The following PDHB variants were observed in gnomAD, a reference collection of about 807,000 sequenced individuals.
PDHB encodes pyruvate dehydrogenase E1 component subunit beta, mitochondrial.
A neutral mutation model predicts 42.8 loss-of-function variants in PDHB; 17 were observed. The ratio of observed to expected loss-of-function variants is 0.40; its 90% CI spans 0.27 to 0.60. The LOEUF (loss-of-function observed/expected upper bound fraction) is 0.60, where lower values mean the gene tolerates loss of function less well. Among genes scored for constraint, PDHB ranks in the 20% least tolerant of loss-of-function variants. The pLI is 0.46. For synonymous variants in PDHB, 154 were observed against 148.7 expected, an observed-to-expected ratio of 1.04 and a Z score of -0.26; for missense variants, 322 against 451.3, an observed-to-expected ratio of 0.71 and a Z score of 2.60.
rs2062914031 is a variant in PDHB, at chr3:58,430,893, T to C, written c.353A>G (p.Gln118Arg). ...CEFMTFNFSM[Q>R]AIDQVINSAA... is the part of the protein sequence containing the mutation. ...TGAGTTTATAACCTGGTCAATGGCT[T>C]GCATGGAGAAATTGAAGGTCATAAA... is the stretch of plus-strand genomic sequence containing the variant. The change falls in exon 6 of 10, where the codon CAA becomes CGA. Residue 118 changes from glutamine (Q) to arginine (R), a missense_variant. Coordinates refer to ENST00000302746, the MANE Select transcript of PDHB (RefSeq NM_000925.4). 6.2e-7 allele frequency: 1 copy of C among 1,614,058 alleles called. No individual in the cohort carries two copies. The highest frequency in any genetic ancestry group is 8.5e-7 in the Non-Finnish European group (1 of 1,180,008).
At chr3:58,433,221 T>C (rs892111222) in intron 2 of PDHB, 1 of 272,064 alleles carries the variant, frequency 3.7e-6, no homozygotes, top group Non-Finnish European at 7.1e-6. Flanking sequence ...AGTTACCGAG[T>C]AATGGACAGT....
At chr3:58,432,061 T>A in intron 2 of PDHB, 77 bp from the exon 3 acceptor site, 1 of 951,830 alleles carries the variant, frequency 1.1e-6, no homozygotes, top group Non-Finnish European at 1.7e-6. Context: ...TATATTTACC[T>A]AGGCTGCCCA....
In PDHB at chr3:58,431,426, T is replaced by A. The variant is rs2062919231; in HGVS notation, c.303+167A>T. The A allele has an allele frequency of 3.0e-6, 2 of 666,892 alleles. No homozygotes were observed. The highest frequency in any genetic ancestry group is 5.3e-6 in the Non-Finnish European group (2 of 374,574). 41.3% of individuals were successfully genotyped at this position (666,892 alleles called of 1,614,324 possible). On this transcript the variant is annotated intron_variant, in intron 5 of 9. Transcript: ENST00000302746. This position sits in a 1 kb window ranked among gnomAD's most constrained non-coding sequence, Gnocchi z 4.4. The stretch of plus-strand genomic sequence containing the variant: ...TGGCTAGGCACAGTGGCGCGACCTG[T>A]AACCCCAGCCACTATGGAGGCTGAG...
At chr3:58,433,464 T>C (rs755044004) in intron 2 of PDHB, 167 bp downstream of exon 2, 13 of 721,428 alleles carry the variant, frequency 1.8e-5, no homozygotes, top group Non-Finnish European at 2.6e-5. Context: ...GGTGTGCTAA[T>C]TGCCAGGCGG....
chr3:58,433,797 A>T lies in PDHB; in HGVS notation c.13T>A (p.Ser5Thr), dbSNP rs200470565. The T allele has an allele frequency of 4.3e-6, 7 of 1,611,596 alleles. No individual in the cohort carries two copies. The East Asian group carries it at 1.6e-4, about 36-fold the overall frequency. MAAVSGLVRRPLREV... is the reference protein window; with the variant it reads MAAVTGLVRRPLREV... ...CGAAGGGGTCTCCGCACCAAGCCAG[A>T]CACCGCCGCCATCTTGGTCGTGTCC... The change falls in exon 1 of 10, where the codon TCT becomes ACT. Residue 5 changes from serine to threonine, a missense_variant. This residue lies in a region of PDHB where 58 missense variants were observed against 42.1 expected (regional missense o/e 1.38). Transcript: ENST00000302746.
At position 58,429,782 on chromosome 3, in the gene PDHB, CCA is replaced by C. The variant is rs772084220; in HGVS notation, c.716_717del (p.Val239GlyfsTer19). ...KIERQGTHIT[V>X]VSHSRPVGHC... The stretch of plus-strand genomic sequence containing the variant: ...TGGCCCACAGGTCTTGAATGGGAAA[CCA>C]CAGTTATATGTGTTCCTGAAAACAG... On this transcript the variant is annotated frameshift_variant, in exon 8 of 10. Coordinates refer to ENST00000302746, the MANE Select transcript of PDHB (RefSeq NM_000925.4). LOFTEE classifies it high-confidence loss of function. 10 of 1,608,006 alleles carry C rather than the reference CCA, an allele frequency of 6.2e-6. No homozygotes were observed. The highest frequency in any genetic ancestry group is 2.2e-5 in the East Asian group (1 of 44,858).
chr3:58,428,460 T>G lies in PDHB; in HGVS notation c.934+13A>C. The G allele has an allele frequency of 6.2e-7, 1 of 1,613,880 alleles. No individual in the cohort carries two copies. Among genetic ancestry groups the G allele is most frequent in the Non-Finnish European group, 8.5e-7 (1 of 1,179,710 alleles). On this transcript the variant is annotated intron_variant, in intron 9 of 9. Transcript: ENST00000302746. ...AGCTTGACTGTATTCTAGAACCAGT[T>G]TCTTTGAAATACCTTCCATGATCCT...
In PDHB at chr3:58,431,196, A is replaced by T; in HGVS notation, c.304-254T>A. On this transcript the variant is annotated intron_variant, in intron 5 of 9. Coordinates refer to ENST00000302746, the MANE Select transcript of PDHB (RefSeq NM_000925.4). The surrounding 1 kb of genome is among the most constrained non-coding windows in gnomAD (Gnocchi z 4.4). ...GCTGGGACTGCAGGCAAGCACCACC[A>T]CATCTACCTACTTGGTATTTTTTTT... 1.8e-6 allele frequency: 1 copy of T among 546,320 alleles called. No homozygotes were observed. The highest frequency in any genetic ancestry group is 3.3e-6 in the Non-Finnish European group (1 of 307,444). The allele number at this position is 546,320 out of a possible 1,614,324, so 33.8% of individuals were successfully genotyped here. A position where few individuals can be genotyped will look rare whatever the true frequency, so the allele number is the denominator to read the frequency against.
chr3:58,433,363 C>G, intron 2 of PDHB: 1 of 593,140 alleles, frequency 1.7e-6, no homozygotes, highest in Admixed American at 3.0e-5. Flanking sequence ...TATTTTGCTG[C>G]AATTTAAAGA....
chr3:58,433,471 G>A lies in PDHB; in HGVS notation c.96+160C>T, dbSNP rs1009790924. The A allele has an allele frequency of 1.9e-5, 14 of 752,832 alleles. No individual in the cohort carries two copies. The Admixed American group carries it at 2.5e-4, about 13-fold the overall frequency. 46.6% of individuals were successfully genotyped at this position (752,832 alleles called of 1,614,324 possible). On this transcript the variant is annotated intron_variant, in intron 2 of 9. Transcript: ENST00000302746. ...GACTCGCCGGTGTGCTAATTGCCAG[G>A]CGGCGACAGAGGCAGCAGGAGCTCC... is the stretch of plus-strand genomic sequence containing the variant.
chr3:58,432,208 C>T, intron 2 of PDHB: 2 of 551,718 alleles, frequency 3.6e-6, no homozygotes, highest in South Asian at 4.1e-5. Flanking sequence ...CAAGTACTGC[C>T]AAATACTTTG....
At position 58,427,830 on chromosome 3, in the gene PDHB, G is replaced by C. The variant is rs146644840; in HGVS notation, c.*204C>G. 486 of 646,344 alleles carry C rather than the reference G, an allele frequency of 7.5e-4. 1 individual carries two copies. The highest frequency in any genetic ancestry group is 7.5e-3 in the African/African-American group (421 of 56,256). 40.0% of individuals were successfully genotyped at this position (646,344 alleles called of 1,614,324 possible). ...TTCAAAGAACATGGCAACCGTAACAGACAAAAGGAAGCATGGCATCTAGGG... is the reference window on the plus strand; with the variant it reads ...TTCAAAGAACATGGCAACCGTAACACACAAAAGGAAGCATGGCATCTAGGG... On this transcript the variant is annotated 3_prime_UTR_variant, in exon 10 of 10. Transcript: ENST00000302746.
rs748490971 is a variant in PDHB, at chr3:58,428,020, T to TG, written c.*13_*14insC. On this transcript the variant is annotated 3_prime_UTR_variant, in exon 10 of 10. Transcript: ENST00000302746. The stretch of plus-strand genomic sequence containing the variant: ...TTTCAAATAAATTTCAACGACTTGA[T>TG]ATTCAAGTCCAAACTAAATATTTAA... The TG allele has an allele frequency of 6.4e-7, 1 of 1,570,556 alleles. No individual in the cohort carries two copies. Among genetic ancestry groups the TG allele is most frequent in the Admixed American group, 1.7e-5 (1 of 59,888 alleles).
At chr3:58,429,178 T>C (rs1314813924) in intron 8 of PDHB, among the ~76,000 whole-genome samples, 1 of 152,248 alleles carries the variant, frequency 6.6e-6, no homozygotes, top group Non-Finnish European at 1.5e-5. Flanking sequence ...GCCCATCATG[T>C]ACCAAGCACT....
At position 58,431,662 on chromosome 3, in the gene PDHB, C is replaced by T; in HGVS notation, c.268-34G>A. 6.2e-7 allele frequency: 1 copy of T among 1,607,174 alleles called. No homozygotes were observed. Among genetic ancestry groups the T allele is most frequent in the Non-Finnish European group, 8.5e-7 (1 of 1,173,856 alleles). ...TAAAATATAAACATAAGTGAAAATC[C>T]ATAAAAATGAGGATAATGGACACTA... On this transcript the variant is annotated intron_variant, in intron 4 of 9. Transcript: ENST00000302746. This position sits in a 1 kb window ranked among gnomAD's most constrained non-coding sequence, Gnocchi z 4.4.
At position 58,433,617 on chromosome 3, in the gene PDHB, C is replaced by A. The variant is rs774007894; in HGVS notation, c.96+14G>T. On this transcript the variant is annotated intron_variant, in intron 2 of 9. Coordinates refer to ENST00000302746, the MANE Select transcript of PDHB (RefSeq NM_000925.4). ...CCTCCCCGCCCTCGTCCGACGAGCA[C>A]CCGCGCCTGTTACCTGCAGCGCAGC... 3.0e-5 allele frequency: 49 copies of A among 1,607,354 alleles called. No individual in the cohort carries two copies. Among genetic ancestry groups the A allele is most frequent in the Non-Finnish European group, 4.1e-5 (48 of 1,178,008 alleles).
At chr3:58,429,674 C>A (rs2070663) in intron 8 of PDHB, 34 bp downstream of exon 8, 2 of 1,296,758 alleles carry the variant, frequency 1.5e-6, no homozygotes, top group Non-Finnish European at 2.2e-6. Flanking sequence ...AGGAGCCCTT[C>A]TAATTCTTTA....
In PDHB at chr3:58,433,815, T is replaced by C. The variant is rs1390738415; in HGVS notation, c.-6A>G. On this transcript the variant is annotated 5_prime_UTR_variant, in exon 1 of 10. Transcript: ENST00000302746. The stretch of plus-strand genomic sequence containing the variant: ...AAGCCAGACACCGCCGCCATCTTGG[T>C]CGTGTCCTCTATCCGCTGCCAAACG... 1.2e-6 allele frequency: 2 copies of C among 1,610,168 alleles called. No individual in the cohort carries two copies. The highest frequency in any genetic ancestry group is 1.3e-5 in the African/African-American group (1 of 74,796).
intron 6 of PDHB, among the ~76,000 whole-genome samples, 176 bp from the exon 7 acceptor site, chr3:58,430,414 A>G (rs2062910188): frequency 6.6e-6 from 1 of 152,212 alleles, no homozygotes; most frequent in African/African-American, 2.4e-5. Flanking sequence ...AGTGGTCAAT[A>G]TAATTTTATC....
Sources: allele counts gnomAD v4.1 joint callset (sites outside exome capture counted in the v4.1 genomes callset), GRCh38; gene constraint gnomAD v4.1.1; regional missense constraint gnomAD v4.1.1; non-coding constraint Gnocchi (gnomAD v3.1); transcripts MANE v1.5; gene names NCBI Gene and HGNC (gene_info 2026-07-23, HGNC 2026-07-21).